Variants in LAMC3 observed in about 807,000 individuals in gnomAD.
LAMC3 encodes the protein laminin subunit gamma-3.
In LAMC3, 128 loss-of-function variants were observed where a neutral mutation model predicts 173.8. The observed-to-expected ratio is 0.74, with a 90% CI of 0.64 to 0.85. The LOEUF (loss-of-function observed/expected upper bound fraction) is 0.85. LAMC3 is among the 40% of genes least tolerant of loss of function. The pLI is 0.00. For synonymous variants in LAMC3, 897 were observed against 909.1 expected (o/e 0.99, Z 0.24); for missense variants, 2,022 against 2,156.0 (o/e 0.94, Z 1.23).
intron 25 of LAMC3, among the ~76,000 whole-genome samples, chr9:131,087,007 G>A (rs1167501176): frequency 1.3e-5 from 2 of 152,208 alleles, no homozygotes; most frequent in East Asian, 1.9e-4. Flanking sequence ...CCATAGGCAT[G>A]AGCCACTGCA....
chr9:131,094,240 A>G lies in LAMC3; in HGVS notation c.*2453A>G, dbSNP rs570910091. 6.6e-6 allele frequency: 1 copy of G among 152,298 alleles called. No homozygotes were observed. The highest frequency in any genetic ancestry group is 2.1e-4 in the South Asian group (1 of 4,826). The allele number at this position is 152,298 out of a possible 1,614,324, so 9.4% of individuals were successfully genotyped here. A position where few individuals can be genotyped will look rare whatever the true frequency, so the allele number is the denominator to read the frequency against. ...CATGTCATCAGGTCCAGTGCTTGCA[A>G]GAGACAAGCTGGTGACTCTGTCCTG... is the stretch of plus-strand genomic sequence containing the variant. On this transcript the variant is annotated 3_prime_UTR_variant, in exon 28 of 28. Coordinates refer to ENST00000361069, the MANE Select transcript of LAMC3 (RefSeq NM_006059.4).
intron 1 of LAMC3, among the ~76,000 whole-genome samples, chr9:131,023,668 C>T (rs1362647780): frequency 3.3e-5 from 5 of 152,196 alleles, no homozygotes; most frequent in African/African-American, 7.2e-5. Flanking sequence ...AGTGCAGTGG[C>T]GTGATCATGG....
rs554252010 is a variant in LAMC3 at position 131,075,501 on chromosome 9, TGCAGTGA to T, written c.3495-327_3495-321del. Among the ~76,000 whole-genome samples the T allele has an allele frequency of 5.0e-3, 748 of 150,642 alleles. 8 individuals are homozygous for T. Among genetic ancestry groups the T allele is most frequent in the African/African-American group, 0.017 (694 of 40,950 alleles). On this transcript the variant is annotated intron_variant, in intron 20 of 27. Transcript: ENST00000361069. Reference sequence around the variant, plus strand: ...ATCACTTGAGCCCAGGAGGGGAGGTTGCAGTGAGCTGAGATCACACCACTGCACTCTA... The same window carrying T: ...ATCACTTGAGCCCAGGAGGGGAGGTTGCTGAGATCACACCACTGCACTCTA...
chr9:131,072,948 A>G (rs1830062529), intron 19 of LAMC3, 113 bp downstream of exon 19: 1 of 970,082 alleles, frequency 1.0e-6, no homozygotes, highest in African/African-American at 1.6e-5. Flanking sequence ...TGGGAGGCTT[A>G]ATTTCATCTG....
chr9:131,083,867 T>TCC (rs1491042966), intron 24 of LAMC3, among the ~76,000 whole-genome samples: 7 of 16,834 alleles, frequency 4.2e-4, no homozygotes, highest in African/African-American at 5.8e-4. Context: ...AATAAGTGCT[T>TCC]TTTTTTTTTT....
At position 131,077,300 on chromosome 9, in the gene LAMC3, C is replaced by A; in HGVS notation, c.3743C>A (p.Pro1248Gln). 6.2e-7 allele frequency: 1 copy of A among 1,614,018 alleles called. No individual in the cohort carries two copies. ...TVQQVGADTA[P>Q]YLALLASPGA... is the part of the protein sequence containing the mutation. ...CAGCAAGTTGGCGCAGATACAGCCCCGTACCTGGCCTTGCTGGCTTCCCCG... is the reference window on the plus strand; with the variant it reads ...CAGCAAGTTGGCGCAGATACAGCCCAGTACCTGGCCTTGCTGGCTTCCCCG... Residue 1248 changes from proline (P) to glutamine (Q), a missense_variant, in exon 22 of 28, where the codon CCG becomes CAG. Coordinates refer to ENST00000361069, the MANE Select transcript of LAMC3 (RefSeq NM_006059.4).
In LAMC3 at chr9:131,064,490, C is replaced by T. The variant is rs536973502; in HGVS notation, c.2348-2470C>T. On this transcript the variant is annotated intron_variant, in intron 13 of 27. Transcript: ENST00000361069. ...CATCCTGGCTAACACGGTGAAACCC[C>T]ATCTCTAGTAAAAATACAAAAAATT... Among the ~76,000 whole-genome samples the T allele has an allele frequency of 4.6e-3, 699 of 150,468 alleles. 4 individuals carry two copies. The highest frequency in any genetic ancestry group is 0.016 in the African/African-American group (659 of 40,944).
chr9:131,030,745 G>T (rs1287769702), intron 2 of LAMC3, among the ~76,000 whole-genome samples: 2 of 152,240 alleles, frequency 1.3e-5, no homozygotes, highest in African/African-American at 2.4e-5. Context: ...CTTTTTTCTG[G>T]AGAAGGAATC....
intron 11 of LAMC3, among the ~76,000 whole-genome samples, chr9:131,055,788 A>G (rs1402447385): frequency 6.6e-6 from 1 of 152,096 alleles, no homozygotes; most frequent in African/African-American, 2.4e-5. Flanking sequence ...GTTGATCTAA[A>G]TACAAGATGT....
intron 1 of LAMC3, among the ~76,000 whole-genome samples, chr9:131,011,668 G>A (rs959222830): frequency 1.3e-5 from 2 of 151,972 alleles, no homozygotes; most frequent in Non-Finnish European, 2.9e-5. Flanking sequence ...GAAGCCAGTG[G>A]GGAGGGGGGA....
At position 131,091,636 on chromosome 9, in the gene LAMC3, A is replaced by G. The variant is rs1389865535; in HGVS notation, c.4577A>G (p.Gln1526Arg). 1 of 1,602,514 alleles carries G rather than the reference A, an allele frequency of 6.2e-7. No homozygotes were observed. The highest frequency in any genetic ancestry group is 1.1e-5 in the South Asian group (1 of 89,158). The change falls in exon 28 of 28, where the codon CAG (glutamine) becomes CGG (arginine). Residue 1526 changes from glutamine (Q) to arginine (R), a missense_variant. Gln to Arg is a conservative substitution (Grantham distance 43). Transcript: ENST00000361069. ...CAGCTGGGCTCCCCGGGGTCCTTGCAGAGGAAACTCAGTCTGCTGGAGCAG... is the reference window on the plus strand; with the variant it reads ...CAGCTGGGCTCCCCGGGGTCCTTGCGGAGGAAACTCAGTCTGCTGGAGCAG... Reference protein sequence around the residue: ...RLQLGSPGSLQRKLSLLEQES... With the variant: ...RLQLGSPGSLRRKLSLLEQES...
chr9:131,058,973 G>GGGCA (rs1829749070), intron 12 of LAMC3, among the ~76,000 whole-genome samples: 1 of 148,440 alleles, frequency 6.7e-6, no homozygotes, highest in East Asian at 2.0e-4. Context: ...CAAGGCAGGT[G>GGGCA]GATCACCTGA....
intron 27 of LAMC3, 147 bp downstream of exon 27, chr9:131,087,964 G>A: frequency 1.3e-6 from 1 of 751,902 alleles, no homozygotes; most frequent in Admixed American, 2.0e-5. Context: ...TCAATCACAA[G>A]CATTTATAAC....
intron 17 of LAMC3, among the ~76,000 whole-genome samples, chr9:131,070,243 A>G (rs750474426): frequency 1.3e-5 from 2 of 152,190 alleles, no homozygotes; most frequent in South Asian, 2.1e-4. Context: ...GGGTTAACCC[A>G]TTGGGGTTCC....
chr9:131,050,635 G>T (rs752136550), intron 9 of LAMC3, among the ~76,000 whole-genome samples: 1 of 152,124 alleles, frequency 6.6e-6, no homozygotes, highest in Non-Finnish European at 1.5e-5. Context: ...AGACGTGGTG[G>T]TGCATGTCTG....
At chr9:131,064,533 G>C (rs1829889137) in intron 13 of LAMC3, among the ~76,000 whole-genome samples, 1 of 151,678 alleles carries the variant, frequency 6.6e-6, no homozygotes, top group South Asian at 2.1e-4. Context: ...CGAGGTGGCG[G>C]GCGCCTGTAG....
At chr9:131,042,279 G>A (rs1296225218) in intron 7 of LAMC3, among the ~76,000 whole-genome samples, 1 of 150,748 alleles carries the variant, frequency 6.6e-6, no homozygotes, top group Non-Finnish European at 1.5e-5. Flanking sequence ...TCACACCCAC[G>A]GCAGACCTAT....
intron 17 of LAMC3, among the ~76,000 whole-genome samples, chr9:131,071,175 C>T (rs552855593): frequency 6.6e-6 from 1 of 152,282 alleles, no homozygotes; most frequent in East Asian, 1.9e-4. Flanking sequence ...GGGAACACAG[C>T]GAACAGGACA....
At chr9:131,056,862 T>G in intron 11 of LAMC3, 67 bp from the exon 12 acceptor site, 1 of 1,280,852 alleles carries the variant, frequency 7.8e-7, no homozygotes, top group Non-Finnish European at 1.1e-6. Flanking sequence ...AACAGGAAGG[T>G]TTTGGGGGGA....
Sources: gnomAD v4.1 joint callset for allele counts (sites outside exome capture counted in the v4.1 genomes callset) on GRCh38, gnomAD v4.1.1 for gene constraint, MANE v1.5 for transcripts, NCBI Gene and HGNC (gene_info 2026-07-23, HGNC 2026-07-21) for gene names.